Variants in TERB2 observed in about 807,000 individuals in gnomAD.
The protein encoded by TERB2 is telomere repeat binding bouquet formation protein 2.
Under a neutral mutation model 29.8 loss-of-function variants are expected in TERB2, and 26 were observed. That is an observed-to-expected ratio of 0.87 (90% CI 0.64 to 1.21). The LOEUF (loss-of-function observed/expected upper bound fraction) is 1.21. TERB2 is among the 50% of genes most tolerant of loss of function. TERB2 has a pLI of 0.00. For missense variants in TERB2, 240 were observed against 268.6 expected, an observed-to-expected ratio of 0.89 and a Z score of 0.74; for synonymous variants, 80 against 90.8, an observed-to-expected ratio of 0.88 and a Z score of 0.68.
intron 5 of TERB2, 47 bp downstream of exon 5, chr15:44,966,290 C>A: frequency 8.4e-7 from 1 of 1,188,950 alleles, no homozygotes; most frequent in Non-Finnish European, 1.1e-6. Flanking sequence ...ATGTAGAAAT[C>A]TGTGAGCACT....
intron 5 of TERB2, among the ~76,000 whole-genome samples, chr15:44,969,123 C>A (rs1288541425): frequency 2.6e-5 from 4 of 152,080 alleles, no homozygotes; most frequent in East Asian, 1.9e-4. Context: ...TAGACAGGGT[C>A]TCGCTCTGTC....
chr15:44,958,292 A>G, intron 2 of TERB2, 81 bp from the exon 3 acceptor site: 1 of 1,460,488 alleles, frequency 6.8e-7, no homozygotes, highest in Non-Finnish European at 9.1e-7. Flanking sequence ...CCCTACTTCC[A>G]GTGATTTATT....
chr15:44,962,183 CTTT>C (rs776185424), intron 4 of TERB2, among the ~76,000 whole-genome samples: 3 of 138,186 alleles, frequency 2.2e-5, no homozygotes, highest in Non-Finnish European at 3.2e-5. Context: ...TTTACCAGTT[CTTT>C]TTTTTTTTTT....
At chr15:44,958,617 T>A (rs1891757859) in intron 3 of TERB2, 105 bp downstream of exon 3, 4 of 1,259,330 alleles carry the variant, frequency 3.2e-6, no homozygotes, top group Non-Finnish European at 4.3e-6. Flanking sequence ...AGTCACATAT[T>A]TTTGAATTTT....
In TERB2 at chr15:44,958,536, T is replaced by A. The variant is rs757077737; in HGVS notation, c.286+24T>A. 3.8e-6 allele frequency: 6 copies of A among 1,585,882 alleles called. No individual in the cohort carries two copies. In the Admixed American group the frequency reaches 9.0e-5, roughly 24 times the overall value. ...AGGTTAGCAAAGATCATTCAGCCAA[T>A]CCCTGTCAGACAGCCAAATCCAGCT... On this transcript the variant is annotated intron_variant, in intron 3 of 6. Coordinates refer to ENST00000340827, the MANE Select transcript of TERB2 (RefSeq NM_152448.3).
chr15:44,964,004 T>A (rs959692483), intron 4 of TERB2, among the ~76,000 whole-genome samples: 7 of 151,752 alleles, frequency 4.6e-5, no homozygotes, highest in African/African-American at 1.7e-4. Flanking sequence ...AGAGACGGGG[T>A]TTCACCATGT....
intron 5 of TERB2, 134 bp downstream of exon 5, chr15:44,966,377 A>AT (rs1249632156): frequency 2.3e-6 from 1 of 441,758 alleles, no homozygotes; most frequent in East Asian, 4.0e-5. Flanking sequence ...ATTATACAAA[A>AT]AAAAGAGATC....
intron 5 of TERB2, among the ~76,000 whole-genome samples, chr15:44,968,272 G>A (rs1430484180): frequency 6.6e-6 from 1 of 152,086 alleles, no homozygotes; most frequent in Admixed American, 6.5e-5. Flanking sequence ...CTGGAGTGCA[G>A]TGGCGTGATC....
intron 3 of TERB2, among the ~76,000 whole-genome samples, chr15:44,961,219 C>A (rs1358743709): frequency 1.4e-5 from 2 of 138,994 alleles, no homozygotes; most frequent in African/African-American, 2.8e-5. Flanking sequence ...TATATATACA[C>A]ACACACACAC....
chr15:44,967,115 T>C (rs1231813403), intron 5 of TERB2, among the ~76,000 whole-genome samples: 1 of 152,116 alleles, frequency 6.6e-6, no homozygotes, highest in African/African-American at 2.4e-5. Context: ...AAACAAGAAA[T>C]TAATTTAAAA....
intron 3 of TERB2, among the ~76,000 whole-genome samples, chr15:44,959,884 T>G (rs1891775168): frequency 6.6e-6 from 1 of 152,152 alleles, no homozygotes; most frequent in South Asian, 2.1e-4. Flanking sequence ...AACAAACAAC[T>G]TAAAAATTAT....
intron 3 of TERB2, among the ~76,000 whole-genome samples, chr15:44,959,999 T>G (rs1891776632): frequency 6.6e-6 from 1 of 152,188 alleles, no homozygotes; most frequent in Non-Finnish European, 1.5e-5. Flanking sequence ...TTCTAAGTAG[T>G]TACATAAATC....
At chr15:44,970,073 G>A (rs1891946366) in intron 5 of TERB2, 1 of 152,420 alleles carries the variant, frequency 6.6e-6, no homozygotes, top group Non-Finnish European at 1.5e-5. Flanking sequence ...TCCAAGTAAT[G>A]CAGTAGTGGC....
At chr15:44,958,022 C>G (rs1039528718) in intron 2 of TERB2, among the ~76,000 whole-genome samples, 1 of 152,192 alleles carries the variant, frequency 6.6e-6, no homozygotes, top group African/African-American at 2.4e-5. Context: ...CATGCACACT[C>G]CTCACCTCAG....
Position 44,956,770 on chromosome 15 carries a change from A to G in TERB2, c.52A>G (p.Arg18Gly). 6.2e-7 allele frequency: 1 copy of G among 1,613,846 alleles called. No individual in the cohort carries two copies. Among genetic ancestry groups the G allele is most frequent in the Non-Finnish European group, 8.5e-7 (1 of 1,179,890 alleles). The change falls in exon 1 of 7, where the codon AGG (arginine) becomes GGG (glycine). Residue 18 changes from arginine to glycine, a missense_variant. Physicochemically the swap from Arg to Gly is moderately radical, Grantham distance 125. Transcript: ENST00000340827. The part of the protein sequence containing the change: ...WFCGSVSQDL[R>G]QFWVAEGGTI... The stretch of plus-strand genomic sequence containing the variant: ...TTGCGGCAGCGTTAGCCAGGATCTG[A>G]GGCAATTCTGGGGTAGGAAGCTGAG...
At position 44,972,517 on chromosome 15, in the gene TERB2, C is replaced by CT. The variant is rs5812285; in HGVS notation, c.435-1335dup. ...GATCTTTTAGTTGAGATCCTTTTAGCTTTTTTTTTTTTTTTGAGACAGAGT... is the reference window on the plus strand; with the variant it reads ...GATCTTTTAGTTGAGATCCTTTTAGCTTTTTTTTTTTTTTTTGAGACAGAGT... On this transcript the variant is annotated intron_variant, in intron 5 of 6. Coordinates refer to ENST00000340827, the MANE Select transcript of TERB2 (RefSeq NM_152448.3). Among the ~76,000 whole-genome samples, 1,218 of 133,966 alleles carry CT rather than the reference C, an allele frequency of 9.1e-3. 3 individuals are homozygous for CT. Among genetic ancestry groups the CT allele is most frequent in the Non-Finnish European group, 0.012 (778 of 63,362 alleles). 87.9% of individuals were successfully genotyped at this position (133,966 alleles called of 152,430 possible).
chr15:44,972,884 A>AT lies in TERB2; in HGVS notation c.435-981dup, dbSNP rs1419781902. On this transcript the variant is annotated intron_variant, in intron 5 of 6. Transcript: ENST00000340827. Reference sequence around the variant, plus strand: ...TTATAATTGTATAATTAGAACATCAATTGTTTTTTTTTTTTTGAGGTGGAG... The same window carrying AT: ...TTATAATTGTATAATTAGAACATCAATTTGTTTTTTTTTTTTTGAGGTGGAG... Among the ~76,000 whole-genome samples the AT allele has an allele frequency of 9.0e-5, 13 of 145,028 alleles. No homozygotes were observed. The East Asian group carries it at 1.7e-3, about 19-fold the overall frequency.
chr15:44,964,414 G>A (rs934100461), intron 4 of TERB2, among the ~76,000 whole-genome samples: 10 of 151,966 alleles, frequency 6.6e-5, no homozygotes, highest in Admixed American at 4.6e-4. Context: ...ACTTTTCACA[G>A]TGTTTCCAGG....
At chr15:44,957,085 A>G in intron 2 of TERB2, 108 bp downstream of exon 2, 1 of 1,185,724 alleles carries the variant, frequency 8.4e-7, no homozygotes, top group Non-Finnish European at 1.2e-6. Context: ...GCGGTGGCGG[A>G]CACCTATAAT....
Sources: allele counts gnomAD v4.1 joint callset (sites outside exome capture counted in the v4.1 genomes callset), GRCh38; gene constraint gnomAD v4.1.1; transcripts MANE v1.5; gene names NCBI Gene and HGNC (gene_info 2026-07-23, HGNC 2026-07-21).